AKR1B15: variants seen among roughly 807,000 people sequenced by gnomAD.
AKR1B15 encodes aldo-keto reductase family 1 member B15, also known as estradiol 17-beta-dehydrogenase AKR1B15.
In AKR1B15, 49 loss-of-function variants were observed where a neutral mutation model predicts 38.5. The observed-to-expected ratio is 1.27, with a 90% CI of 1.01 to 1.62. The LOEUF (loss-of-function observed/expected upper bound fraction) is 1.62, where lower values mean the gene tolerates loss of function less well. Ranked by LOEUF, AKR1B15 falls within the 40% of genes most tolerant of loss-of-function variation. AKR1B15 has a pLI of 0.00. For synonymous variants in AKR1B15, 137 were observed against 135.5 expected (o/e 1.01, Z -0.08); for missense variants, 411 against 381.6 (o/e 1.08, Z -0.64).
At position 134,575,491 on chromosome 7, in the gene AKR1B15, C is replaced by T. The variant is rs181174304; in HGVS notation, c.585C>T (p.Ile195=). The T allele has an allele frequency of 4.0e-3, 6,441 of 1,613,822 alleles. 384 individuals are homozygous for T. In the Admixed American group the frequency reaches 0.1, roughly 25 times the overall value. ...LGVSNFNHFQ[I]ERLLNKPGLK... is the part of the protein sequence containing the mutation. Reference sequence around the variant, plus strand: ...TCTCAAATTTCAACCACTTCCAGATCGAGAGGCTCTTGAACAAACCTGGAC... The same window carrying T: ...TCTCAAATTTCAACCACTTCCAGATTGAGAGGCTCTTGAACAAACCTGGAC... The change falls in exon 7 of 12, where the codon ATC becomes ATT. Residue 195 remains isoleucine, a synonymous_variant. Transcript: ENST00000457545.
intron 5 of AKR1B15, chr7:134,570,403 C>G (rs1298399972): frequency 1.3e-5 from 2 of 152,168 alleles, no homozygotes; most frequent in Admixed American, 1.3e-4. Flanking sequence ...TAGGTCATCT[C>G]TGTGATCCAC....
In AKR1B15 at chr7:134,568,313, C is replaced by T; in HGVS notation, c.306C>T (p.Phe102=). The T allele has an allele frequency of 1.2e-6, 2 of 1,614,104 alleles. No homozygotes were observed. The highest frequency in any genetic ancestry group is 1.7e-6 in the Non-Finnish European group (2 of 1,179,980). Reference sequence around the variant, plus strand: ...AGGCTGTGATGCGGGAGGACCTGTTCATCGTCAGCAAGGTGCACATGGCGC... The same window carrying T: ...AGGCTGTGATGCGGGAGGACCTGTTTATCGTCAGCAAGGTGCACATGGCGC... ...QEKAVMREDL[F]IVSKVWPTFF... is the part of the protein sequence containing the mutation. Residue 102 remains phenylalanine, a synonymous_variant, in exon 4 of 12, where the codon TTC becomes TTT. Coordinates refer to ENST00000457545, the MANE Select transcript of AKR1B15 (RefSeq NM_001080538.3).
At chr7:134,568,047 T>G (rs566123380) in intron 3 of AKR1B15, 111 bp from the exon 4 acceptor site, 1 of 1,317,922 alleles carries the variant, frequency 7.6e-7, no homozygotes, top group East Asian at 2.5e-5. Flanking sequence ...TACTCAGGAG[T>G]TGGGAGGATT....
chr7:134,579,325 T>G (rs1202078053), intron 11 of AKR1B15, among the ~76,000 whole-genome samples, 182 bp from the exon 12 acceptor site: 4 of 152,128 alleles, frequency 2.6e-5, no homozygotes, highest in Non-Finnish European at 5.9e-5. Flanking sequence ...CCCTCCTTCC[T>G]AGCAAAACCC....
chr7:134,572,767 T>C (rs1794692678), intron 6 of AKR1B15, among the ~76,000 whole-genome samples: 1 of 152,224 alleles, frequency 6.6e-6, no homozygotes, highest in South Asian at 2.1e-4. Flanking sequence ...CATTTTTTAT[T>C]ATACCATTAT....
intron 6 of AKR1B15, among the ~76,000 whole-genome samples, chr7:134,573,219 T>C (rs933550060): frequency 2.6e-5 from 4 of 152,104 alleles, no homozygotes; most frequent in African/African-American, 7.2e-5. Context: ...TTAGTAGAGA[T>C]GAGGTTTCAC....
At chr7:134,558,021 G>A (rs987666825) in intron 2 of AKR1B15, among the ~76,000 whole-genome samples, 4 of 152,154 alleles carry the variant, frequency 2.6e-5, no homozygotes, top group Admixed American at 6.5e-5. Context: ...ATGCGGATAG[G>A]AAATGGATAT....
rs1338879514 is a variant in AKR1B15 at position 134,562,887 on chromosome 7, TTTCC to T, written c.-22-1707_-22-1704del. The stretch of plus-strand genomic sequence containing the variant: ...CTTTCTTTCTTTCTTTCTTTCTTTC[TTTCC>T]TTCTTTCTTCCTTCCTTCTTTCCTT... On this transcript the variant is annotated intron_variant, in intron 2 of 11. Transcript: ENST00000457545. Among the ~76,000 whole-genome samples, 134 of 120,066 alleles carry T rather than the reference TTTCC, an allele frequency of 1.1e-3. 1 individual carries two copies. The highest frequency in any genetic ancestry group is 4.0e-3 in the African/African-American group (125 of 31,084). The allele number at this position is 120,066 out of a possible 152,430, so 78.8% of individuals were successfully genotyped here.
At chr7:134,551,737 G>A (rs958664340) in intron 1 of AKR1B15, among the ~76,000 whole-genome samples, 1 of 152,136 alleles carries the variant, frequency 6.6e-6, no homozygotes, top group Admixed American at 6.5e-5. Context: ...GGGACCCCGA[G>A]TCCCCACCAG....
At chr7:134,574,993 T>C (rs1162532226) in intron 6 of AKR1B15, among the ~76,000 whole-genome samples, 1 of 152,216 alleles carries the variant, frequency 6.6e-6, no homozygotes, top group Non-Finnish European at 1.5e-5. Context: ...CTTGCCCAGG[T>C]TTGGGTGTAC....
At chr7:134,573,657 C>T (rs916741858) in intron 6 of AKR1B15, 12 of 536,240 alleles carry the variant, frequency 2.2e-5, no homozygotes, top group Non-Finnish European at 2.6e-5. Flanking sequence ...GGAAAACTAA[C>T]CTGACCTATG....
At chr7:134,555,096 G>A (rs1794145716) in intron 1 of AKR1B15, among the ~76,000 whole-genome samples, 1 of 152,180 alleles carries the variant, frequency 6.6e-6, no homozygotes, top group Admixed American at 6.5e-5. Context: ...ATGTATGGAA[G>A]GGCTCCGCCT....
chr7:134,562,830 T>TTC (rs1272548711), intron 2 of AKR1B15, among the ~76,000 whole-genome samples: 3 of 133,230 alleles, frequency 2.3e-5, no homozygotes, highest in Non-Finnish European at 4.8e-5. Context: ...CTTCCTTCCT[T>TTC]TCTCTTTCTT....
At chr7:134,575,303 CA>C in intron 6 of AKR1B15, 116 bp from the exon 7 acceptor site, 1 of 1,456,500 alleles carries the variant, frequency 6.9e-7, no homozygotes, top group Non-Finnish European at 9.1e-7. Context: ...GTGAATGCTT[CA>C]GCTAACTCTG....
chr7:134,566,109 C>A (rs1184727529), intron 3 of AKR1B15, among the ~76,000 whole-genome samples: 1 of 152,208 alleles, frequency 6.6e-6, no homozygotes, highest in Non-Finnish European at 1.5e-5. Flanking sequence ...GACTGGGCAA[C>A]ATAGCAAGAC....
intron 6 of AKR1B15, chr7:134,573,309 G>A (rs1794702187): frequency 1.1e-6 from 1 of 943,444 alleles, no homozygotes; most frequent in African/African-American, 1.8e-5. Flanking sequence ...CAGATTACAG[G>A]CGTGAGCTAT....
intron 6 of AKR1B15, among the ~76,000 whole-genome samples, chr7:134,574,975 T>C (rs1453740578): frequency 6.6e-6 from 1 of 152,208 alleles, no homozygotes; most frequent in Non-Finnish European, 1.5e-5. Flanking sequence ...TCTTCCTGAC[T>C]AACACAGCTT....
At chr7:134,567,743 G>A (rs1422408827) in intron 3 of AKR1B15, among the ~76,000 whole-genome samples, 1 of 152,188 alleles carries the variant, frequency 6.6e-6, no homozygotes, top group Non-Finnish European at 1.5e-5. Context: ...TCTTCAGAAA[G>A]TTGTAGTGGA....
In AKR1B15 at chr7:134,576,964, T is replaced by A; in HGVS notation, c.827T>A (p.Val276Asp). The change falls in exon 10 of 12, where the codon GTT becomes GAT. Residue 276 changes from valine to aspartate, a missense_variant and splice_region_variant. Physicochemically the swap from Val to Asp is radical, Grantham distance 152. This residue lies in a region of AKR1B15 where 133 missense variants were observed against 120.3 expected (regional missense o/e 1.11). Transcript: ENST00000457545. ...AAKHKKTTAQ[V>D]LIRFHIQRNV... ...ACATGATGTCCCCTTTCTGCACAGG[T>A]TCTGATCCGTTTCCATATCCAGAGG... The A allele has an allele frequency of 6.2e-7, 1 of 1,613,458 alleles. No homozygotes were observed. The highest frequency in any genetic ancestry group is 8.5e-7 in the Non-Finnish European group (1 of 1,179,398).
Sources: allele counts gnomAD v4.1 joint callset (sites outside exome capture counted in the v4.1 genomes callset), GRCh38; gene constraint gnomAD v4.1.1; regional missense constraint gnomAD v4.1.1; transcripts MANE v1.5; gene names NCBI Gene and HGNC (gene_info 2026-07-23, HGNC 2026-07-21).